Variants in NAALADL2 observed in about 807,000 individuals in gnomAD.
The protein encoded by NAALADL2 is N-acetylated alpha-linked acidic dipeptidase like 2, also known as inactive N-acetylated-alpha-linked acidic dipeptidase-like protein 2.
A neutral mutation model predicts 87.2 loss-of-function variants in NAALADL2; 76 were observed. The ratio of observed to expected loss-of-function variants is 0.87; its 90% confidence interval spans 0.72 to 1.05. The LOEUF (loss-of-function observed/expected upper bound fraction) is 1.05. Ranked by LOEUF, NAALADL2 falls within the 50% of genes least tolerant of loss-of-function variation. NAALADL2 has a pLI of 0.00. For synonymous variants in NAALADL2, 354 were observed against 331.0 expected (o/e 1.07, Z -0.75); for missense variants, 1,089 against 945.8 (o/e 1.15, Z -1.99).
chr3:175,402,634 CCT>C (rs1711534950), intron 5 of NAALADL2, among the ~76,000 whole-genome samples: 1 of 152,026 alleles, frequency 6.6e-6, no homozygotes, highest in African/African-American at 2.4e-5. Flanking sequence ...TAGATGTCAT[CCT>C]GTTTCTCTCT....
chr3:174,625,057 C>CTCTCTTTTTTT (rs748895219), intron 2 of NAALADL2, among the ~76,000 whole-genome samples: 2,195 of 78,708 alleles, frequency 0.028, 203 homozygotes, highest in East Asian at 0.038. Flanking sequence ...CTCTCTCTCT[C>CTCTCTTTTTTT]TTTTTTTTTT....
intron 11 of NAALADL2, among the ~76,000 whole-genome samples, chr3:175,639,065 A>G (rs973698122): frequency 7.9e-5 from 12 of 152,276 alleles, no homozygotes; most frequent in African/African-American, 2.4e-4. Flanking sequence ...TTTACTATAT[A>G]AGTGGAATCT....
intron 4 of NAALADL2, among the ~76,000 whole-genome samples, chr3:175,319,245 T>C (rs949527165): frequency 1.3e-5 from 2 of 152,242 alleles, no homozygotes; most frequent in Non-Finnish European, 2.9e-5. Context: ...AAGTCTGATA[T>C]GCATGGTTGT....
At chr3:174,522,851 G>C (rs1297857857) in intron 1 of NAALADL2, among the ~76,000 whole-genome samples, 2 of 150,310 alleles carry the variant, frequency 1.3e-5, no homozygotes, top group Non-Finnish European at 3.0e-5. Context: ...GGAGAATGGC[G>C]TGAACCCGGG....
At chr3:175,139,680 A>C (rs1207637321) in intron 2 of NAALADL2, among the ~76,000 whole-genome samples, 1 of 126,716 alleles carries the variant, frequency 7.9e-6, no homozygotes, top group Non-Finnish European at 1.9e-5. Flanking sequence ...CCCTATCTTC[A>C]GTTGAAACAA....
At chr3:174,835,169 T>G (rs1169418388) in intron 3 of NAALADL2, among the ~76,000 whole-genome samples, 1 of 151,912 alleles carries the variant, frequency 6.6e-6, no homozygotes, top group African/African-American at 2.4e-5. Flanking sequence ...TGTCAAGACT[T>G]TAAAAATAAC....
intron 3 of NAALADL2, among the ~76,000 whole-genome samples, chr3:174,779,449 C>A (rs1578892081): frequency 6.6e-6 from 1 of 152,064 alleles, no homozygotes; most frequent in East Asian, 1.9e-4. Flanking sequence ...ATGATAGTTT[C>A]TTTTACTGTG....
chr3:175,290,939 A>G (rs1411500558), intron 4 of NAALADL2, among the ~76,000 whole-genome samples: 1 of 152,160 alleles, frequency 6.6e-6, no homozygotes, highest in Non-Finnish European at 1.5e-5. Flanking sequence ...TCCTCAAGAC[A>G]ATAACTTTAC....
chr3:175,200,186 C>G (rs1363525086), intron 2 of NAALADL2, among the ~76,000 whole-genome samples: 1 of 151,976 alleles, frequency 6.6e-6, no homozygotes, highest in African/African-American at 2.4e-5. Flanking sequence ...TTTTACATGA[C>G]TCAGTGGGCT....
intron 2 of NAALADL2, among the ~76,000 whole-genome samples, chr3:174,603,821 A>G (rs932349763): frequency 4.6e-5 from 7 of 151,742 alleles, no homozygotes; most frequent in Non-Finnish European, 1.0e-4. Flanking sequence ...TTTTTTCTCT[A>G]CTGGCCATTC....
At chr3:174,786,612 CT>C (rs533558594) in intron 3 of NAALADL2, among the ~76,000 whole-genome samples, 3 of 149,338 alleles carry the variant, frequency 2.0e-5, no homozygotes, top group Non-Finnish European at 4.5e-5. Flanking sequence ...TTTTGTTTAT[CT>C]TTTTTTGTCT....
At position 174,659,264 on chromosome 3, in the gene NAALADL2, A is replaced by G. The variant is rs1466775114; in HGVS notation, c.-114-78377A>G. On this transcript the variant is annotated intron_variant, in intron 2 of 3. Coordinates refer to the NAALADL2 transcript ENST00000434257. ...CTATGTTCCCTCGTTTATTTGTATT[A>G]CTATTGTTTATATGACGTTTATTAA... Among the ~76,000 whole-genome samples the G allele has an allele frequency of 2.0e-5, 3 of 152,180 alleles. No individual in the cohort carries two copies. The East Asian group carries it at 5.8e-4, about 29-fold the overall frequency.
At chr3:174,497,847 A>T (rs995146754) in intron 1 of NAALADL2, among the ~76,000 whole-genome samples, 3 of 152,188 alleles carry the variant, frequency 2.0e-5, no homozygotes, top group African/African-American at 7.2e-5. Context: ...GCTTGTCAGT[A>T]CTAGAGTTGT....
At chr3:175,206,114 A>C (rs1219461569) in intron 2 of NAALADL2, among the ~76,000 whole-genome samples, 1 of 151,628 alleles carries the variant, frequency 6.6e-6, no homozygotes, top group Non-Finnish European at 1.5e-5. Flanking sequence ...CCACAGGAAA[A>C]TAAGTCATTA....
At chr3:175,178,779 A>C (rs1350499916) in intron 2 of NAALADL2, among the ~76,000 whole-genome samples, 1 of 152,020 alleles carries the variant, frequency 6.6e-6, no homozygotes, top group Non-Finnish European at 1.5e-5. Context: ...CCAGTGCTTG[A>C]AATCTTTAAG....
chr3:174,933,622 A>G (rs1452955642), intron 1 of NAALADL2, among the ~76,000 whole-genome samples: 1 of 152,200 alleles, frequency 6.6e-6, no homozygotes, highest in Non-Finnish European at 1.5e-5. Flanking sequence ...ATAACCAATA[A>G]AATAGTTCAG....
chr3:175,123,897 G>A, intron 2 of NAALADL2, among the ~76,000 whole-genome samples: 1 of 151,962 alleles, frequency 6.6e-6, no homozygotes, highest in East Asian at 1.9e-4. Context: ...AAAGCTATAT[G>A]TTATTCAATT....
intron 13 of NAALADL2, among the ~76,000 whole-genome samples, chr3:175,795,728 G>A (rs1357346873): frequency 6.6e-6 from 1 of 151,500 alleles, no homozygotes; most frequent in Non-Finnish European, 1.5e-5. Flanking sequence ...AAAAAGAACA[G>A]ATTCTCATGG....
chr3:175,471,674 T>A lies in NAALADL2; in HGVS notation c.1569T>A (p.Ala523=), dbSNP rs780254308. The A allele has an allele frequency of 6.4e-7, 1 of 1,561,102 alleles. No individual in the cohort carries two copies. The highest frequency in any genetic ancestry group is 2.3e-5 in the East Asian group (1 of 44,386). The change falls in exon 9 of 14, where the codon GCT becomes GCA. Residue 523 remains alanine, a synonymous_variant. Transcript: ENST00000454872. ...FKKVLQKNVV[A]YISLHSPIRG... ...AGGTTCTTCAGAAAAATGTTGTGGC[T>A]TATATTAGCCTCCACAGTCCCATAA...
Sources: gnomAD v4.1 joint callset for allele counts (sites outside exome capture counted in the v4.1 genomes callset) on GRCh38, gnomAD v4.1.1 for gene constraint, MANE v1.5 for transcripts, NCBI Gene and HGNC (gene_info 2026-07-23, HGNC 2026-07-21) for gene names.